The following ROR1 variants were observed in gnomAD, a reference collection of about 807,000 sequenced individuals.
ROR1 encodes inactive tyrosine-protein kinase transmembrane receptor ROR1.
Under a neutral mutation model 78.8 loss-of-function variants are expected in ROR1, and 19 were observed. That is an observed-to-expected ratio of 0.24 (90% CI 0.17 to 0.35). The LOEUF is 0.35. Among genes scored for constraint, ROR1 ranks in the 10% least tolerant of loss-of-function variants. The pLI, the probability that ROR1 is intolerant of heterozygous loss-of-function variation, is 1.00. For missense variants in ROR1, 917 were observed against 1,177.8 expected, an observed-to-expected ratio of 0.78 and a Z score of 3.24; for synonymous variants, 386 against 433.6, an observed-to-expected ratio of 0.89 and a Z score of 1.36.
At chr1:64,102,710 A>T (rs17357026) in intron 4 of ROR1, among the ~76,000 whole-genome samples, 20,608 of 152,138 alleles carry the variant, frequency 0.14, 1,587 homozygotes, top group African/African-American at 0.19. Flanking sequence ...TCGCTTTTTT[A>T]AAACAGTTCC....
chr1:63,995,323 G>C (rs939612392), intron 1 of ROR1, among the ~76,000 whole-genome samples: 4 of 152,040 alleles, frequency 2.6e-5, no homozygotes, highest in Non-Finnish European at 5.9e-5. Context: ...CTGTACTTTT[G>C]GATGTGAGAA....
chr1:64,100,274 G>T (rs933131722), intron 4 of ROR1, among the ~76,000 whole-genome samples: 1 of 151,818 alleles, frequency 6.6e-6, no homozygotes, highest in African/African-American at 2.4e-5. Context: ...TTGAGACCAG[G>T]AGTTTGAGAC....
intron 1 of ROR1, among the ~76,000 whole-genome samples, chr1:63,894,952 C>T (rs1276483138): frequency 6.6e-6 from 1 of 152,150 alleles, no homozygotes; most frequent in East Asian, 1.9e-4. Context: ...TCCTACAGCA[C>T]ATGTTTTCTC....
chr1:64,043,076 G>A (rs1646757016), intron 2 of ROR1, among the ~76,000 whole-genome samples: 1 of 152,224 alleles, frequency 6.6e-6, no homozygotes, highest in Non-Finnish European at 1.5e-5. Context: ...CTGACTGGCT[G>A]GGTTGCCATG....
chr1:64,151,908 G>T (rs998439199), intron 7 of ROR1, among the ~76,000 whole-genome samples: 22 of 151,690 alleles, frequency 1.5e-4, no homozygotes, highest in African/African-American at 5.1e-4. Flanking sequence ...TTCAGTAAGG[G>T]CCTAAATAAG....
chr1:63,813,293 G>A (rs1196087080), intron 1 of ROR1, among the ~76,000 whole-genome samples: 3 of 152,182 alleles, frequency 2.0e-5, no homozygotes, highest in Admixed American at 6.5e-5. Context: ...AATGGTGTAC[G>A]TAGTGGTAAT....
intron 2 of ROR1, among the ~76,000 whole-genome samples, chr1:64,024,291 G>A (rs1326041495): frequency 6.6e-6 from 1 of 152,048 alleles, no homozygotes; most frequent in East Asian, 1.9e-4. Flanking sequence ...GACCAACCTG[G>A]CCAACATGGT....
chr1:64,052,887 C>A (rs1646844541), intron 4 of ROR1, among the ~76,000 whole-genome samples: 1 of 151,576 alleles, frequency 6.6e-6, no homozygotes, highest in Non-Finnish European at 1.5e-5. Context: ...TGCTCTTTAT[C>A]TCTTCTCTTA....
intron 1 of ROR1, among the ~76,000 whole-genome samples, chr1:63,987,560 GAC>G (rs1646262619): frequency 6.6e-6 from 1 of 152,170 alleles, no homozygotes; most frequent in Non-Finnish European, 1.5e-5. Context: ...ATAATGCAGA[GAC>G]ACATGCATGC....
chr1:64,136,180 A>G (rs2100705084), intron 4 of ROR1, among the ~76,000 whole-genome samples: 1 of 152,306 alleles, frequency 6.6e-6, no homozygotes. Flanking sequence ...TTTCCCATGT[A>G]GGGCAGAGAA....
chr1:63,805,047 C>G (rs1644820318), intron 1 of ROR1, among the ~76,000 whole-genome samples: 1 of 152,186 alleles, frequency 6.6e-6, no homozygotes, highest in African/African-American at 2.4e-5. Flanking sequence ...GAACTTTAAT[C>G]CCTGAATGCG....
chr1:63,886,436 A>G (rs959716866), intron 1 of ROR1, among the ~76,000 whole-genome samples: 2 of 152,062 alleles, frequency 1.3e-5, no homozygotes, highest in Non-Finnish European at 1.5e-5. Flanking sequence ...CCCTGGTATT[A>G]TGGATATTAT....
chr1:64,078,887 T>C (rs1033288026), intron 4 of ROR1, among the ~76,000 whole-genome samples: 6 of 152,080 alleles, frequency 3.9e-5, no homozygotes, highest in African/African-American at 9.7e-5. Context: ...TTTGGAGTCA[T>C]TGTTGAGTAC....
intron 1 of ROR1, among the ~76,000 whole-genome samples, chr1:63,865,613 G>A (rs1645210454): frequency 1.3e-5 from 2 of 152,184 alleles, no homozygotes; most frequent in Non-Finnish European, 2.9e-5. Context: ...TATGAGGAGT[G>A]AGGTCAGGCA....
intron 8 of ROR1, among the ~76,000 whole-genome samples, chr1:64,173,554 C>A (rs760407750): frequency 2.0e-5 from 3 of 152,100 alleles, no homozygotes; most frequent in Non-Finnish European, 4.4e-5. Flanking sequence ...ATGCTGGGGC[C>A]GAAAAACAGA....
At chr1:64,004,608 ACTGAATCGGGG>A (rs1251180816) in intron 1 of ROR1, among the ~76,000 whole-genome samples, 1 of 152,184 alleles carries the variant, frequency 6.6e-6, no homozygotes, top group African/African-American at 2.4e-5. Flanking sequence ...CTCACGCATC[ACTGAATCGGGG>A]ATACAGGATG....
intron 4 of ROR1, among the ~76,000 whole-genome samples, chr1:64,131,951 A>G (rs2100699929): frequency 6.6e-6 from 1 of 152,284 alleles, no homozygotes; most frequent in East Asian, 1.9e-4. Flanking sequence ...GAATAAGTCA[A>G]TAGTAGTTAG....
At chr1:64,001,207 G>T (rs1197376027) in intron 1 of ROR1, among the ~76,000 whole-genome samples, 3 of 152,140 alleles carry the variant, frequency 2.0e-5, no homozygotes, top group Non-Finnish European at 2.9e-5. Flanking sequence ...GAATCTCAAG[G>T]GCATTATGCT....
chr1:63,907,172 C>T (rs912047643), intron 1 of ROR1, among the ~76,000 whole-genome samples: 3 of 152,184 alleles, frequency 2.0e-5, no homozygotes, highest in African/African-American at 7.2e-5. Flanking sequence ...TGTCGTATCT[C>T]AGAGGCTAGG....
Sources: allele counts gnomAD v4.1 joint callset (sites outside exome capture counted in the v4.1 genomes callset), GRCh38; gene constraint gnomAD v4.1.1; transcripts MANE v1.5; gene names NCBI Gene and HGNC (gene_info 2026-07-23, HGNC 2026-07-21).